Variants in TSPAN18 observed in about 807,000 individuals in gnomAD.
TSPAN18 encodes the protein tetraspanin 18, also known as tetraspanin-18.
A neutral mutation model predicts 27.3 loss-of-function variants in TSPAN18; 14 were observed. The observed-to-expected ratio is 0.51, with a 90% CI of 0.34 to 0.80. TSPAN18 has a LOEUF of 0.80. Ranked by LOEUF, TSPAN18 falls within the 30% of genes least tolerant of loss-of-function variation. The probability of loss-of-function intolerance (pLI) is 0.01; values close to 1 mark genes in which losing one functional copy is unlikely to be tolerated. For synonymous variants in TSPAN18, 143 were observed against 136.5 expected (o/e 1.05, Z -0.33); for missense variants, 268 against 323.9 (o/e 0.83, Z 1.32).
intron 3 of TSPAN18, among the ~76,000 whole-genome samples, chr11:44,901,680 G>T (rs1456254990): frequency 6.6e-6 from 1 of 152,248 alleles, no homozygotes; most frequent in African/African-American, 2.4e-5. Flanking sequence ...CAGAGCAGAA[G>T]CCTGGGCTCC....
chr11:44,858,748 G>A (rs557462965), intron 2 of TSPAN18, among the ~76,000 whole-genome samples: 14 of 152,278 alleles, frequency 9.2e-5, no homozygotes, highest in Admixed American at 7.8e-4. Flanking sequence ...AGAGGAGTGG[G>A]AGATGCTGGG....
chr11:44,871,101 A>G (rs575440227), intron 3 of TSPAN18, among the ~76,000 whole-genome samples: 1 of 152,330 alleles, frequency 6.6e-6, no homozygotes, highest in African/African-American at 2.4e-5. Flanking sequence ...TAAATATTTC[A>G]CAACTGCTTG....
chr11:44,804,159 A>G (rs1443623816), intron 2 of TSPAN18, among the ~76,000 whole-genome samples: 2 of 151,604 alleles, frequency 1.3e-5, no homozygotes, highest in Admixed American at 1.3e-4. Flanking sequence ...GCTGGAGTGC[A>G]ATGGTGCGAT....
chr11:44,734,282 C>T (rs1237201269), intron 1 of TSPAN18, among the ~76,000 whole-genome samples: 3 of 152,218 alleles, frequency 2.0e-5, no homozygotes, highest in African/African-American at 4.8e-5. Context: ...GCAACACACA[C>T]GGACTAAGAT....
intron 2 of TSPAN18, among the ~76,000 whole-genome samples, chr11:44,837,856 G>A (rs1002756215): frequency 6.6e-6 from 1 of 152,136 alleles, no homozygotes; most frequent in African/African-American, 2.4e-5. Flanking sequence ...TTTAAACAAT[G>A]CTATTGCACA....
intron 2 of TSPAN18, among the ~76,000 whole-genome samples, chr11:44,805,332 C>T (rs542631338): frequency 3.7e-4 from 57 of 152,294 alleles, no homozygotes; most frequent in African/African-American, 1.3e-3. Flanking sequence ...GCATTCCTGG[C>T]CACATTTCAC....
intron 1 of TSPAN18, among the ~76,000 whole-genome samples, chr11:44,749,026 T>C (rs114003323): frequency 2.0e-3 from 297 of 152,298 alleles, no homozygotes; most frequent in African/African-American, 6.8e-3. Context: ...GCTAGGTAAG[T>C]ACCTGGCCCA....
intron 2 of TSPAN18, among the ~76,000 whole-genome samples, chr11:44,858,452 G>A (rs1371403693): frequency 6.6e-6 from 1 of 152,222 alleles, no homozygotes. Context: ...CAGAGGGTCC[G>A]TGATCCCCTT....
At chr11:44,864,893 G>A (rs972869350) in intron 3 of TSPAN18, among the ~76,000 whole-genome samples, 2 of 152,212 alleles carry the variant, frequency 1.3e-5, no homozygotes, top group Non-Finnish European at 1.5e-5. Flanking sequence ...GTCTCCTTGT[G>A]GGTATCTCAC....
chr11:44,821,650 G>A (rs1856930644), intron 2 of TSPAN18, among the ~76,000 whole-genome samples: 2 of 152,104 alleles, frequency 1.3e-5, no homozygotes, highest in African/African-American at 4.8e-5. Context: ...TGAAGAATGG[G>A]GATATACTTG....
chr11:44,868,054 T>A (rs1316612635), intron 3 of TSPAN18, among the ~76,000 whole-genome samples: 1 of 152,090 alleles, frequency 6.6e-6, no homozygotes, highest in East Asian at 1.9e-4. Context: ...CTCCAGCTGG[T>A]GACAGGCTGG....
At chr11:44,869,217 C>T (rs1858125171) in intron 3 of TSPAN18, among the ~76,000 whole-genome samples, 1 of 152,194 alleles carries the variant, frequency 6.6e-6, no homozygotes, top group Admixed American at 6.5e-5. Flanking sequence ...GCTCATTCAG[C>T]TTCTGCTTAC....
chr11:44,880,741 A>G (rs1372914662), intron 3 of TSPAN18, among the ~76,000 whole-genome samples: 2 of 152,238 alleles, frequency 1.3e-5, no homozygotes, highest in African/African-American at 4.8e-5. Flanking sequence ...GGACCTCTGT[A>G]TAATGAAGTG....
intron 2 of TSPAN18, among the ~76,000 whole-genome samples, chr11:44,779,803 A>C (rs1319032466): frequency 6.6e-6 from 1 of 152,128 alleles, no homozygotes; most frequent in Non-Finnish European, 1.5e-5. Flanking sequence ...AAGTGCCTGC[A>C]CATTCCTACC....
At chr11:44,881,668 C>T (rs898032427) in intron 3 of TSPAN18, among the ~76,000 whole-genome samples, 29 of 152,182 alleles carry the variant, frequency 1.9e-4, no homozygotes, top group Non-Finnish European at 3.7e-4. Context: ...TGTTCAGACA[C>T]GCTCCACCTG....
rs371248588 is a variant in TSPAN18, at chr11:44,927,187, A to G, written c.699+430A>G. On this transcript the variant is annotated intron_variant, in intron 9 of 9. Transcript: ENST00000520358. ...GCCTACAGGGCCTTATTCATCCACA[A>G]CGGTGGCCTTAGCCTCCTTTATCTG... Among the ~76,000 whole-genome samples the G allele has an allele frequency of 1.2e-3, 189 of 152,326 alleles. 5 individuals carry two copies. The South Asian group carries it at 0.038, about 30-fold the overall frequency.
chr11:44,740,359 G>A (rs1854904634), intron 1 of TSPAN18, among the ~76,000 whole-genome samples: 1 of 152,152 alleles, frequency 6.6e-6, no homozygotes, highest in Non-Finnish European at 1.5e-5. Context: ...GCTTTTTGTT[G>A]TTTTATTTTC....
intron 1 of TSPAN18, among the ~76,000 whole-genome samples, chr11:44,748,882 A>G (rs1466870421): frequency 6.6e-6 from 1 of 152,224 alleles, no homozygotes; most frequent in African/African-American, 2.4e-5. Context: ...ACCCACTTCC[A>G]GGGACAGAGA....
Position 44,919,243 on chromosome 11 carries a change from C to A in TSPAN18, c.363C>A (p.Leu121=). 6.2e-7 allele frequency: 1 copy of A among 1,614,130 alleles called. No individual in the cohort carries two copies. The change falls in exon 7 of 10, where the codon CTC becomes CTA. Residue 121 remains leucine (L), a synonymous_variant. Transcript: ENST00000520358. ...CCCGAGAATTCTTCACCAAGGAGCT[C>A]ACCAAGCACTACCAGGGCAATAACG... ...NLTREFFTKE[L]TKHYQGNNDT...
Sources: gnomAD v4.1 joint callset for allele counts (sites outside exome capture counted in the v4.1 genomes callset) on GRCh38, gnomAD v4.1.1 for gene constraint, MANE v1.5 for transcripts, NCBI Gene and HGNC (gene_info 2026-07-23, HGNC 2026-07-21) for gene names.